The following MAP3K2 variants were observed in gnomAD, a reference collection of about 807,000 sequenced individuals.
MAP3K2 encodes MAP/ERK kinase kinase 2.
A neutral mutation model predicts 80.3 loss-of-function variants in MAP3K2; 24 were observed. The observed-to-expected ratio is 0.30, with a 90% confidence interval of 0.22 to 0.42. The LOEUF (loss-of-function observed/expected upper bound fraction) is 0.42, where lower values mean the gene tolerates loss of function less well. Among genes scored for constraint, MAP3K2 ranks in the 10% least tolerant of loss-of-function variants. The pLI, the probability that MAP3K2 is intolerant of heterozygous loss-of-function variation, is 1.00. For synonymous variants in MAP3K2, 244 were observed against 253.7 expected (o/e 0.96, Z 0.36); for missense variants, 608 against 750.1 (o/e 0.81, Z 2.21).
In MAP3K2 at chr2:127,306,948, T is replaced by C. The variant is rs929923225; in HGVS notation, c.*631A>G. 1 of 152,466 alleles carries C rather than the reference T, an allele frequency of 6.6e-6. No homozygotes were observed. Among genetic ancestry groups the C allele is most frequent in the Non-Finnish European group, 1.5e-5 (1 of 68,024 alleles). The allele number at this position is 152,466 out of a possible 1,614,324, so 9.4% of individuals were successfully genotyped here. On this transcript the variant is annotated 3_prime_UTR_variant, in exon 17 of 17. Coordinates refer to ENST00000682094, the MANE Select transcript of MAP3K2 (RefSeq NM_001371910.2). The surrounding 1 kb of genome is among the most constrained non-coding windows in gnomAD (Gnocchi z 4.7). ...GGATCTATTATAGTGTATTTGCTTA[T>C]TATACTGGTTAGGATTAACAAATAA...
At chr2:127,377,252 T>C (rs1687167702) in intron 1 of MAP3K2, among the ~76,000 whole-genome samples, 1 of 152,186 alleles carries the variant, frequency 6.6e-6, no homozygotes, top group Non-Finnish European at 1.5e-5. Context: ...CTGAAAAGTA[T>C]ATGTAATACA....
intron 1 of MAP3K2, among the ~76,000 whole-genome samples, chr2:127,345,772 A>G (rs1383731039): frequency 1.3e-5 from 2 of 152,196 alleles, no homozygotes; most frequent in African/African-American, 4.8e-5. Flanking sequence ...AAAATAATCA[A>G]TGGGTCACTA....
intron 13 of MAP3K2, 46 bp from the exon 14 acceptor site, chr2:127,317,806 A>G (rs1433341526): frequency 6.4e-7 from 1 of 1,552,396 alleles, no homozygotes; most frequent in Admixed American, 2.0e-5. Flanking sequence ...TGTCAGTAAA[A>G]GCAAAAAATT....
intron 4 of MAP3K2, among the ~76,000 whole-genome samples, chr2:127,337,377 G>A (rs1370588707): frequency 1.3e-5 from 2 of 152,076 alleles, no homozygotes; most frequent in Admixed American, 6.6e-5. Flanking sequence ...TAAATGTTAA[G>A]CTCACATATA....
intron 1 of MAP3K2, among the ~76,000 whole-genome samples, chr2:127,384,146 C>A (rs888525234): frequency 1.3e-5 from 2 of 151,366 alleles, no homozygotes; most frequent in Non-Finnish European, 2.9e-5. Flanking sequence ...CTGCCCGCCT[C>A]GGCCTCCCAA....
In MAP3K2 at chr2:127,326,745, T is replaced by C. The variant is rs371274698; in HGVS notation, c.539A>G (p.Asn180Ser). The C allele has an allele frequency of 3.3e-5, 53 of 1,608,518 alleles. No homozygotes were observed. The highest frequency in any genetic ancestry group is 4.2e-5 in the Non-Finnish European group (50 of 1,177,090). ...ACTGTTGATACTAGTGAATGACCCATTCCGGGCAACCTGGTGTAATTCATC... is the reference window on the plus strand; with the variant it reads ...ACTGTTGATACTAGTGAATGACCCACTCCGGGCAACCTGGTGTAATTCATC... ...IPDELHQVAR[N>S]GSFTSINSEG... is the part of the protein sequence containing the mutation. Residue 180 changes from asparagine (N) to serine (S), a missense_variant, in exon 8 of 17, where the codon AAT (asparagine) becomes AGT (serine). Coordinates refer to ENST00000682094, the MANE Select transcript of MAP3K2 (RefSeq NM_001371910.2).
At chr2:127,343,031 T>C (rs1396254730) in intron 2 of MAP3K2, 95 bp downstream of exon 2, 2 of 874,456 alleles carry the variant, frequency 2.3e-6, no homozygotes, top group East Asian at 2.7e-5. Context: ...AATTTATTTA[T>C]AAAAAGGTTT....
chr2:127,309,738 CAT>C (rs1256870452), intron 15 of MAP3K2, among the ~76,000 whole-genome samples: 1 of 152,132 alleles, frequency 6.6e-6, no homozygotes, highest in Non-Finnish European at 1.5e-5. Context: ...GGATTTGTCT[CAT>C]GTTCTCATAA....
chr2:127,366,874 T>TTG (rs1401313198), intron 1 of MAP3K2, among the ~76,000 whole-genome samples: 1 of 130,992 alleles, frequency 7.6e-6, no homozygotes, highest in African/African-American at 3.3e-5. Flanking sequence ...GGGTTTTTTT[T>TTG]TTTTTTTTTT....
intron 13 of MAP3K2, 103 bp from the exon 14 acceptor site, chr2:127,317,863 T>C (rs1685937373): frequency 9.2e-7 from 1 of 1,082,442 alleles, no homozygotes; most frequent in Non-Finnish European, 1.3e-6. Flanking sequence ...AAATTTTAGT[T>C]CCCAAGTAAT....
intron 14 of MAP3K2, 66 bp from the exon 15 acceptor site, chr2:127,314,949 T>C: frequency 8.5e-7 from 1 of 1,171,750 alleles, no homozygotes; most frequent in Non-Finnish European, 1.2e-6. Flanking sequence ...TGCTATTAAA[T>C]CTTTATCAGT....
chr2:127,344,759 C>CTATGTATATG (rs1454901156), intron 1 of MAP3K2, among the ~76,000 whole-genome samples: 1 of 152,136 alleles, frequency 6.6e-6, no homozygotes, highest in Non-Finnish European at 1.5e-5. Context: ...GGGTCCCTTT[C>CTATGTATATG]CCAAGATACC....
At chr2:127,355,431 ATTTT>A (rs772028077) in intron 1 of MAP3K2, among the ~76,000 whole-genome samples, 44 of 152,276 alleles carry the variant, frequency 2.9e-4, no homozygotes, top group Non-Finnish European at 4.1e-4. Context: ...AATAAAGTGA[ATTTT>A]TTTGTTTCCC....
chr2:127,341,494 G>C (rs182866835), intron 2 of MAP3K2, among the ~76,000 whole-genome samples: 1 of 144,480 alleles, frequency 6.9e-6, no homozygotes, highest in African/African-American at 2.6e-5. Context: ...GTACACTTAC[G>C]TACTTATGGG....
intron 1 of MAP3K2, among the ~76,000 whole-genome samples, chr2:127,386,728 G>C (rs1687357558): frequency 6.6e-6 from 1 of 152,020 alleles, no homozygotes; most frequent in Non-Finnish European, 1.5e-5. Context: ...CTTACGTTAG[G>C]GAAAACTAAA....
At chr2:127,317,479 A>C (rs1685929530) in intron 14 of MAP3K2, 150 bp downstream of exon 14, 1 of 570,818 alleles carries the variant, frequency 1.8e-6, no homozygotes, top group African/African-American at 1.9e-5. Context: ...GAGGAAGAGG[A>C]TAGAAAATAC....
chr2:127,361,165 T>G (rs1239504643), intron 1 of MAP3K2, among the ~76,000 whole-genome samples: 2 of 151,842 alleles, frequency 1.3e-5, no homozygotes, highest in East Asian at 3.9e-4. Flanking sequence ...TACAAAAAAT[T>G]AGCTGGGCAT....
rs772918019 is a variant in MAP3K2 at position 127,304,208 on chromosome 2, G to C, written c.*3371C>G. The C allele has an allele frequency of 2.6e-5, 4 of 151,984 alleles. No homozygotes were observed. Among genetic ancestry groups the C allele is most frequent in the East Asian group, 1.9e-4 (1 of 5,200 alleles). The allele number at this position is 151,984 out of a possible 1,614,324, so 9.4% of individuals were successfully genotyped here. A position where few individuals can be genotyped will look rare whatever the true frequency, so the allele number is the denominator to read the frequency against. On this transcript the variant is annotated 3_prime_UTR_variant, in exon 17 of 17. Transcript: ENST00000682094. ...AGGCAATAGTCATTTTTTTAAGTTA[G>C]AAAGATGTTTTGTAAACAAGGAAAA...
intron 14 of MAP3K2, among the ~76,000 whole-genome samples, chr2:127,315,417 G>A (rs553892426): frequency 2.0e-5 from 3 of 152,216 alleles, no homozygotes; most frequent in South Asian, 2.1e-4. Flanking sequence ...TTTGGTAAAC[G>A]GTGTACTCTG....
Sources: allele counts gnomAD v4.1 joint callset (sites outside exome capture counted in the v4.1 genomes callset), GRCh38; gene constraint gnomAD v4.1.1; non-coding constraint Gnocchi (gnomAD v3.1); transcripts MANE v1.5; gene names NCBI Gene and HGNC (gene_info 2026-07-23, HGNC 2026-07-21).